CDC5L: variants seen among roughly 807,000 people sequenced by gnomAD.
CDC5L encodes cell division cycle 5 like, also known as cell division cycle 5-like protein.
A neutral mutation model predicts 104.1 loss-of-function variants in CDC5L; 18 were observed. That is an observed-to-expected ratio of 0.17 (90% CI 0.12 to 0.26). CDC5L has a LOEUF of 0.26. CDC5L is among the 10% of genes least tolerant of loss of function. The probability of loss-of-function intolerance (pLI) is 1.00; values close to 1 mark genes in which losing one functional copy is unlikely to be tolerated. For synonymous variants in CDC5L, 331 were observed against 322.7 expected (o/e 1.03, Z -0.28); for missense variants, 673 against 956.9 (o/e 0.70, Z 3.91).
intron 1 of CDC5L, among the ~76,000 whole-genome samples, chr6:44,388,105 C>T (rs538016361): frequency 6.6e-6 from 1 of 151,116 alleles, no homozygotes; most frequent in South Asian, 2.1e-4. Context: ...CTTGTTAGGC[C>T]CTGAGTGAAC....
intron 8 of CDC5L, among the ~76,000 whole-genome samples, chr6:44,414,432 AT>A (rs1234219072): frequency 1.2e-5 from 1 of 83,132 alleles, no homozygotes; most frequent in Admixed American, 1.2e-4. Context: ...GTGTGTGTGT[AT>A]TTTTTTTTAG....
At chr6:44,443,410 T>G (rs988548154) in intron 14 of CDC5L, among the ~76,000 whole-genome samples, 12 of 152,042 alleles carry the variant, frequency 7.9e-5, no homozygotes, top group Non-Finnish European at 1.8e-4. Flanking sequence ...GCCTTGGGAA[T>G]TTTTCTGCCA....
rs1415313240 is a variant in CDC5L at position 44,448,523 on chromosome 6, A to T, written c.*1812A>T. On this transcript the variant is annotated 3_prime_UTR_variant, in exon 16 of 16. Transcript: ENST00000371477. ...AGTGATTCTAACTAGAGTCCAGGTA[A>T]TAGTAGTGGAGATATGTGGAGAGAC... The T allele has an allele frequency of 1.3e-5, 2 of 152,174 alleles. No homozygotes were observed. Among genetic ancestry groups the T allele is most frequent in the Non-Finnish European group, 2.9e-5 (2 of 68,016 alleles). 9.4% of individuals were successfully genotyped at this position (152,174 alleles called of 1,614,324 possible).
At chr6:44,426,010 C>A in intron 11 of CDC5L, 93 bp from the exon 12 acceptor site, 2 of 782,220 alleles carry the variant, frequency 2.6e-6, no homozygotes, top group Non-Finnish European at 4.1e-6. Context: ...CTATTGAACA[C>A]ACATGATCTT....
At chr6:44,392,115 G>A (rs1790651121) in intron 2 of CDC5L, among the ~76,000 whole-genome samples, 1 of 152,202 alleles carries the variant, frequency 6.6e-6, no homozygotes, top group Admixed American at 6.5e-5. Context: ...TTGCCTGCCT[G>A]TCATCCAGCT....
intron 5 of CDC5L, among the ~76,000 whole-genome samples, chr6:44,396,962 C>G (rs1790897194): frequency 1.3e-5 from 2 of 152,216 alleles, no homozygotes; most frequent in Admixed American, 6.5e-5. Flanking sequence ...TCTTGTTCAC[C>G]TTTTCGGAAG....
rs1210351382 is a variant in CDC5L at position 44,449,794 on chromosome 6, G to T, written c.*3083G>T. 2.6e-5 allele frequency: 4 copies of T among 151,250 alleles called. No individual in the cohort carries two copies. Among genetic ancestry groups the T allele is most frequent in the Non-Finnish European group, 2.9e-5 (2 of 67,874 alleles). The allele number at this position is 151,250 out of a possible 1,614,324, so 9.4% of individuals were successfully genotyped here. ...CCTCCCTAGAAATGCATTTGAATTT[G>T]ATTTACTAATCTTTTATTTAGGAAA... On this transcript the variant is annotated 3_prime_UTR_variant, in exon 16 of 16. Coordinates refer to ENST00000371477, the MANE Select transcript of CDC5L (RefSeq NM_001253.4).
rs145837897 is a variant in CDC5L, at chr6:44,422,797, C to T, written c.1392C>T (p.Tyr464=). Residue 464 remains tyrosine (Y), a synonymous_variant, in exon 10 of 16, where the codon TAC becomes TAT. Coordinates refer to ENST00000371477, the MANE Select transcript of CDC5L (RefSeq NM_001253.4). ...DGMADYSDPS[Y]VKQMERESRE... is the part of the protein sequence containing the mutation. ...TGGCAGACTATAGTGATCCCTCTTA[C>T]GTGAAGCAGATGGTAAATGTCAATT... is the stretch of plus-strand genomic sequence containing the variant. 1.7e-5 allele frequency: 27 copies of T among 1,601,494 alleles called. No individual in the cohort carries two copies. The African/African-American group carries it at 1.8e-4, about 10-fold the overall frequency.
chr6:44,390,902 A>G (rs996688413), intron 2 of CDC5L, among the ~76,000 whole-genome samples: 4 of 146,992 alleles, frequency 2.7e-5, no homozygotes, highest in Non-Finnish European at 4.5e-5. Context: ...TATTAAACAT[A>G]CTTAATGTTA....
At chr6:44,416,096 G>C (rs976747023) in intron 8 of CDC5L, among the ~76,000 whole-genome samples, 1 of 152,050 alleles carries the variant, frequency 6.6e-6, no homozygotes, top group Non-Finnish European at 1.5e-5. Flanking sequence ...TCTGTCTCTT[G>C]GCCTCCTCTG....
At chr6:44,408,377 C>T in intron 7 of CDC5L, 67 bp from the exon 8 acceptor site, 2 of 1,275,604 alleles carry the variant, frequency 1.6e-6, no homozygotes, top group Non-Finnish European at 1.1e-6. Context: ...GTTGGGATTA[C>T]AAGTGTGAGC....
At chr6:44,446,498 C>G (rs903376809) in intron 15 of CDC5L, 109 bp from the exon 16 acceptor site, 3 of 508,610 alleles carry the variant, frequency 5.9e-6, no homozygotes, top group Admixed American at 7.3e-5. Flanking sequence ...AAATATTTAA[C>G]TCTTAAGAAT....
chr6:44,390,242 A>T, intron 1 of CDC5L, 26 bp from the exon 2 acceptor site: 2 of 1,463,876 alleles, frequency 1.4e-6, no homozygotes, highest in Non-Finnish European at 1.9e-6. Context: ...TTGTGACTGA[A>T]TGTACTCTTT....
chr6:44,411,877 A>T (rs1791658880), intron 8 of CDC5L, among the ~76,000 whole-genome samples: 1 of 151,010 alleles, frequency 6.6e-6, no homozygotes, highest in African/African-American at 2.5e-5. Context: ...TTGGATTCTG[A>T]ACACAAGTAA....
rs189276221 is a variant in CDC5L at position 44,424,949 on chromosome 6, C to T, written c.1569+366C>T. 1.5e-4 allele frequency among the ~76,000 whole-genome samples: 23 copies of T among 152,148 alleles called. 1 individual carries two copies. The East Asian group carries it at 2.5e-3, about 17-fold the overall frequency. On this transcript the variant is annotated intron_variant, in intron 11 of 15. Transcript: ENST00000371477. ...CTTGGTTCCTGGGTGGTGCGATGTACGAGCCTGTAGTCTCAGCTGCTCGAG... is the reference window on the plus strand; with the variant it reads ...CTTGGTTCCTGGGTGGTGCGATGTATGAGCCTGTAGTCTCAGCTGCTCGAG...
chr6:44,411,627 A>AGTGTGTGT (rs1340879871), intron 8 of CDC5L, among the ~76,000 whole-genome samples: 4 of 5,380 alleles, frequency 7.4e-4, no homozygotes, highest in African/African-American at 4.1e-4. Flanking sequence ...AGAGAGAGAG[A>AGTGTGTGT]GAGAGAGAGA....
intron 1 of CDC5L, among the ~76,000 whole-genome samples, chr6:44,388,521 T>G (rs529748327): frequency 2.1e-4 from 32 of 152,198 alleles, no homozygotes; most frequent in Admixed American, 1.8e-3. Context: ...TAGTGGATAG[T>G]GCCATTGGTG....
intron 14 of CDC5L, among the ~76,000 whole-genome samples, chr6:44,440,521 T>C (rs1321346318): frequency 6.6e-6 from 1 of 151,886 alleles, no homozygotes; most frequent in Non-Finnish European, 1.5e-5. Context: ...GGGATTACAG[T>C]TGTGAGCCAC....
intron 12 of CDC5L, 33 bp from the exon 13 acceptor site, chr6:44,426,449 T>C (rs763156869): frequency 7.7e-6 from 9 of 1,169,114 alleles, no homozygotes; most frequent in Non-Finnish European, 1.3e-6. Context: ...TATAGTGATA[T>C]GTTTGGTAAT....
Sources: allele counts gnomAD v4.1 joint callset (sites outside exome capture counted in the v4.1 genomes callset), GRCh38; gene constraint gnomAD v4.1.1; transcripts MANE v1.5; gene names NCBI Gene and HGNC (gene_info 2026-07-23, HGNC 2026-07-21).